RAPGEF6: variants seen among roughly 807,000 people sequenced by gnomAD.
The protein encoded by RAPGEF6 is Rap guanine nucleotide exchange factor 6.
RAPGEF6 carries 56 observed loss-of-function variants against 171.4 expected under a neutral mutation model. The ratio of observed to expected loss-of-function variants is 0.33; its 90% CI spans 0.26 to 0.41. The LOEUF (loss-of-function observed/expected upper bound fraction) is 0.41. RAPGEF6 is among the 10% of genes least tolerant of loss of function. RAPGEF6 has a pLI of 1.00. For missense variants in RAPGEF6, 1,674 were observed against 1,921.4 expected (o/e 0.87, Z 2.41); for synonymous variants, 692 against 650.1 (o/e 1.06, Z -0.98).
Position 131,528,350 on chromosome 5 carries a change from CACAT to C in RAPGEF6, c.496-6833_496-6830del, listed in dbSNP as rs1466850242. Reference sequence around the variant, plus strand: ...ATATATATATATATACACACACACACACATATATATATATGGCAGTATGGAGCCT... The same window carrying C: ...ATATATATATATATACACACACACACATATATATATGGCAGTATGGAGCCT... On this transcript the variant is annotated intron_variant, in intron 6 of 27. Transcript: ENST00000509018. Among the ~76,000 whole-genome samples the C allele has an allele frequency of 3.1e-3, 231 of 74,026 alleles. 5 individuals carry two copies. Among genetic ancestry groups the C allele is most frequent in the African/African-American group, 0.012 (221 of 18,754 alleles). 48.6% of individuals were successfully genotyped at this position (74,026 alleles called of 152,430 possible). A position where few individuals can be genotyped will look rare whatever the true frequency, so the allele number is the denominator to read the frequency against.
At chr5:131,557,441 GA>G (rs1440995230) in intron 5 of RAPGEF6, among the ~76,000 whole-genome samples, 1 of 152,158 alleles carries the variant, frequency 6.6e-6, no homozygotes, top group African/African-American at 2.4e-5. Context: ...CGACCTTGTT[GA>G]AATGACATAA....
In RAPGEF6 at chr5:131,453,060, C is replaced by A; in HGVS notation, c.3194G>T (p.Arg1065Leu). 6.2e-7 allele frequency: 1 copy of A among 1,612,978 alleles called. No individual in the cohort carries two copies. The highest frequency in any genetic ancestry group is 1.1e-5 in the South Asian group (1 of 90,844). Residue 1065 changes from arginine (R) to leucine (L), a missense_variant, in exon 21 of 28, where the codon CGA (arginine) becomes CTA (leucine). This residue lies in a region of RAPGEF6 where 1,116 missense variants were observed against 1,321.5 expected (regional missense o/e 0.84). Transcript: ENST00000509018. ...SANMDPAMMF[R>L]QRSLSQGSTN... ...ACATATTTCAATGTCCTACCTCTGT[C>A]GAAACATCATAGCTGGGTCCATGTT...
At chr5:131,440,563 C>T (rs1201107438) in intron 23 of RAPGEF6, among the ~76,000 whole-genome samples, 1 of 151,488 alleles carries the variant, frequency 6.6e-6, no homozygotes, top group African/African-American at 2.4e-5. Flanking sequence ...CATGGTGAAA[C>T]CCCATCTCTA....
Position 131,487,320 on chromosome 5 carries a change from G to A in RAPGEF6, c.1840+2226C>T, listed in dbSNP as rs1755973816. Among the ~76,000 whole-genome samples, 5 of 152,220 alleles carry A rather than the reference G, an allele frequency of 3.3e-5. No homozygotes were observed. The South Asian group carries it at 1.0e-3, about 31-fold the overall frequency. On this transcript the variant is annotated intron_variant, in intron 15 of 27. Transcript: ENST00000509018. Reference sequence around the variant, plus strand: ...TGAAAGAACAAAGCTTCCAGAGGGTGGAAGGGGACCCTGGCAGCTTGCCCC... The same window carrying A: ...TGAAAGAACAAAGCTTCCAGAGGGTAGAAGGGGACCCTGGCAGCTTGCCCC...
intron 22 of RAPGEF6, 22 bp downstream of exon 22, chr5:131,446,461 A>G (rs764100601): frequency 6.3e-7 from 1 of 1,590,034 alleles, no homozygotes; most frequent in East Asian, 2.2e-5. Context: ...TTAGCGTCAC[A>G]TAAATGAAAA....
chr5:131,583,350 C>T (rs1004884465), intron 4 of RAPGEF6, among the ~76,000 whole-genome samples: 10 of 152,164 alleles, frequency 6.6e-5, no homozygotes, highest in African/African-American at 2.4e-4. Context: ...ACTGACAAAA[C>T]AGACCCTTTG....
chr5:131,452,943 C>G, intron 21 of RAPGEF6, 111 bp downstream of exon 21: 1 of 1,366,136 alleles, frequency 7.3e-7, no homozygotes, highest in Non-Finnish European at 9.7e-7. Flanking sequence ...ATATAAAGCA[C>G]TTTGTACAGC....
Position 131,632,418 on chromosome 5 carries a change from T to C in RAPGEF6, c.69+2544A>G, listed in dbSNP as rs1766371413. Among the ~76,000 whole-genome samples the C allele has an allele frequency of 2.0e-5, 3 of 152,208 alleles. No homozygotes were observed. In the South Asian group the frequency reaches 6.2e-4, roughly 32 times the overall value. On this transcript the variant is annotated intron_variant, in intron 1 of 27. Coordinates refer to ENST00000509018, the MANE Select transcript of RAPGEF6 (RefSeq NM_016340.6). The stretch of plus-strand genomic sequence containing the variant: ...TCAAAAATCATCTTCTCAACCAAGT[T>C]AAACGAACCACCTTATTTAAACTGC...
intron 5 of RAPGEF6, among the ~76,000 whole-genome samples, chr5:131,548,853 A>T (rs1760722308): frequency 6.6e-6 from 1 of 152,168 alleles, no homozygotes; most frequent in Non-Finnish European, 1.5e-5. Context: ...AGTGATACTT[A>T]TTAAAGGTGA....
chr5:131,567,154 C>T (rs867714860), intron 4 of RAPGEF6, among the ~76,000 whole-genome samples: 1 of 151,706 alleles, frequency 6.6e-6, no homozygotes, highest in African/African-American at 2.4e-5. Flanking sequence ...TTAATGTCCC[C>T]TCTTTTATGC....
intron 11 of RAPGEF6, among the ~76,000 whole-genome samples, chr5:131,501,936 G>A (rs1385568609): frequency 2.0e-5 from 3 of 152,124 alleles, no homozygotes; most frequent in Non-Finnish European, 2.9e-5. Flanking sequence ...GACTCTAAAA[G>A]CAATGACACT....
chr5:131,559,626 C>T (rs146254869), intron 5 of RAPGEF6, among the ~76,000 whole-genome samples: 1 of 151,796 alleles, frequency 6.6e-6, no homozygotes, highest in East Asian at 1.9e-4. Flanking sequence ...AGTTCGAGAT[C>T]AGCCTGTGAA....
At chr5:131,460,981 C>T (rs1444504509) in intron 19 of RAPGEF6, among the ~76,000 whole-genome samples, 1 of 152,164 alleles carries the variant, frequency 6.6e-6, no homozygotes, top group Non-Finnish European at 1.5e-5. Context: ...ACTACAACTC[C>T]TCTCCCTTTT....
rs753195927 is a variant in RAPGEF6, at chr5:131,423,972, A to G, written c.*3294T>C. On this transcript the variant is annotated 3_prime_UTR_variant, in exon 28 of 28. Transcript: ENST00000509018. ...CCAATGTATTAGTAGATATGATAAT[A>G]ATAAATGGTATTTTTACATTCTCTT... 2.0e-5 allele frequency: 3 copies of G among 152,326 alleles called. No individual in the cohort carries two copies. The highest frequency in any genetic ancestry group is 4.4e-5 in the Non-Finnish European group (3 of 68,044). 9.4% of individuals were successfully genotyped at this position (152,326 alleles called of 1,614,324 possible).
At chr5:131,539,205 G>C (rs1283587369) in intron 6 of RAPGEF6, among the ~76,000 whole-genome samples, 3 of 152,148 alleles carry the variant, frequency 2.0e-5, no homozygotes, top group Non-Finnish European at 4.4e-5. Context: ...GAGTTTAGAA[G>C]TAACAAAAGT....
chr5:131,570,570 CTGAA>C (rs1762217672), intron 4 of RAPGEF6, among the ~76,000 whole-genome samples: 1 of 152,032 alleles, frequency 6.6e-6, no homozygotes, highest in African/African-American at 2.4e-5. Flanking sequence ...TTAAAATCTT[CTGAA>C]TGGATAGACA....
chr5:131,562,173 C>A, intron 4 of RAPGEF6, 126 bp from the exon 5 acceptor site: 31 of 552,886 alleles, frequency 5.6e-5, no homozygotes, highest in South Asian at 1.3e-4. Flanking sequence ...GATCCTGTCA[C>A]AATATTTATG....
chr5:131,472,549 T>C, intron 17 of RAPGEF6, 38 bp downstream of exon 17: 1 of 1,589,598 alleles, frequency 6.3e-7, no homozygotes, highest in African/African-American at 1.3e-5. Flanking sequence ...GTTCATTTGG[T>C]ACCAATACGG....
intron 4 of RAPGEF6, among the ~76,000 whole-genome samples, chr5:131,580,302 C>T (rs962245231): frequency 6.6e-6 from 1 of 152,186 alleles, no homozygotes; most frequent in African/African-American, 2.4e-5. Context: ...TGCCCAGGGC[C>T]GGCAGCACCA....
Sources: gnomAD v4.1 joint callset for allele counts (sites outside exome capture counted in the v4.1 genomes callset) on GRCh38, gnomAD v4.1.1 for gene constraint, gnomAD v4.1.1 regional missense constraint, MANE v1.5 for transcripts, NCBI Gene and HGNC (gene_info 2026-07-23, HGNC 2026-07-21) for gene names.